The following PRELID2 variants were observed in gnomAD, a reference collection of about 807,000 sequenced individuals.
PRELID2 encodes PRELI domain containing 2.
Under a neutral mutation model 28.4 loss-of-function variants are expected in PRELID2, and 25 were observed. The observed-to-expected ratio is 0.88, with a 90% confidence interval of 0.64 to 1.23. The LOEUF is 1.23. Ranked by LOEUF, PRELID2 falls within the 50% of genes most tolerant of loss-of-function variation. The probability of loss-of-function intolerance (pLI) is 0.00; values close to 1 mark genes in which losing one functional copy is unlikely to be tolerated. For synonymous variants in PRELID2, 76 were observed against 71.6 expected (o/e 1.06, Z -0.31); for missense variants, 201 against 214.4 (o/e 0.94, Z 0.39).
chr5:145,728,375 T>A (rs1756237062), intron 1 of PRELID2: 2 of 412,970 alleles, frequency 4.8e-6, no homozygotes, highest in Non-Finnish European at 9.1e-6. Context: ...CCTGGAAACC[T>A]TTTTTATGGC....
chr5:145,652,252 G>C (rs1377870119), intron 1 of PRELID2, among the ~76,000 whole-genome samples: 3 of 152,218 alleles, frequency 2.0e-5, no homozygotes, highest in Admixed American at 2.0e-4. Flanking sequence ...ATGGGACTAT[G>C]TGAAAAGACC....
chr5:145,629,138 G>C (rs1753897909), intron 1 of PRELID2, among the ~76,000 whole-genome samples: 1 of 152,186 alleles, frequency 6.6e-6, no homozygotes, highest in East Asian at 1.9e-4. Flanking sequence ...TAGACAAGGG[G>C]AGCTTAGGAA....
the PRELID2 span, among the ~76,000 whole-genome samples, chr5:145,278,091 T>C: frequency 6.6e-6 from 1 of 152,156 alleles, no homozygotes; most frequent in South Asian, 2.1e-4. Context: ...TTGGGCATCG[T>C]TGGCAATCTG....
chr5:145,468,635 C>T (rs3096065), downstream of PRELID2, among the ~76,000 whole-genome samples: 97,946 of 151,996 alleles, frequency 0.64, 32,162 homozygotes, highest in Non-Finnish European at 0.69. Context: ...TGGCATCTCA[C>T]TGTGGTTTTG....
At chr5:145,520,549 T>C (rs573413296) in intron 1 of PRELID2, among the ~76,000 whole-genome samples, 1 of 152,198 alleles carries the variant, frequency 6.6e-6, no homozygotes, top group South Asian at 2.1e-4. Flanking sequence ...GCCCCCTCTC[T>C]CCAGGCAGCC....
At chr5:145,768,070 C>T (rs953169900) in intron 5 of PRELID2, among the ~76,000 whole-genome samples, 6 of 151,704 alleles carry the variant, frequency 4.0e-5, no homozygotes, top group Non-Finnish European at 5.9e-5. Flanking sequence ...ACTAAAAATA[C>T]AAAAGTTAGC....
rs577371208 is a variant in PRELID2 at position 145,650,527 on chromosome 5, T to TATAC, written n.70+114400_70+114403dup. On this transcript the variant is annotated intron_variant and non_coding_transcript_variant, in intron 1 of 2. Coordinates refer to the PRELID2 transcript ENST00000510259. ...TTTTGAGCATATCGAATCGCACATA[T>TATAC]ATACATATATATATATATATATATA... Among the ~76,000 whole-genome samples the TATAC allele has an allele frequency of 5.0e-5, 4 of 80,748 alleles. No individual in the cohort carries two copies. In the Admixed American group the frequency reaches 5.1e-4, roughly 10 times the overall value. The allele number at this position is 80,748 out of a possible 152,430, so 53.0% of individuals were successfully genotyped here. A position where few individuals can be genotyped will look rare whatever the true frequency, so the allele number is the denominator to read the frequency against.
chr5:145,698,618 G>T (rs1206506263), intron 1 of PRELID2, among the ~76,000 whole-genome samples: 1 of 152,148 alleles, frequency 6.6e-6, no homozygotes, highest in African/African-American at 2.4e-5. Flanking sequence ...GGTAGAAGGG[G>T]CAATGCAGCT....
chr5:145,611,065 A>C (rs1753606918), intron 1 of PRELID2, among the ~76,000 whole-genome samples: 1 of 151,212 alleles, frequency 6.6e-6, no homozygotes, highest in South Asian at 2.1e-4. Flanking sequence ...GTAAATGAAG[A>C]AGTAAAATCG....
intron 1 of PRELID2, among the ~76,000 whole-genome samples, chr5:145,629,840 C>T (rs776127961): frequency 1.3e-5 from 2 of 152,064 alleles, no homozygotes; most frequent in Non-Finnish European, 2.9e-5. Flanking sequence ...AATAAATATA[C>T]CCTTTGAAAT....
intron 1 of PRELID2, among the ~76,000 whole-genome samples, chr5:145,713,489 T>C (rs1357035231): frequency 1.4e-5 from 2 of 144,950 alleles, no homozygotes; most frequent in African/African-American, 2.5e-5. Context: ...TATATATATA[T>C]ACTATATATG....
rs149021404 is a variant in PRELID2, at chr5:145,554,432, C to A, written n.71-81117G>T. Among the ~76,000 whole-genome samples, 93 of 152,268 alleles carry A rather than the reference C, an allele frequency of 6.1e-4. 2 individuals are homozygous for A. The East Asian group carries it at 0.017, about 29-fold the overall frequency. ...GAAGGACACCACTGCTAACAGGAAT[C>A]ATTTTTAAACCCAGAGAGAAGTTTC... On this transcript the variant is annotated intron_variant and non_coding_transcript_variant, in intron 1 of 2. Coordinates refer to the PRELID2 transcript ENST00000510259.
chr5:145,300,098 A>G, the PRELID2 span, among the ~76,000 whole-genome samples: 1 of 152,122 alleles, frequency 6.6e-6, no homozygotes, highest in African/African-American at 2.4e-5. Context: ...CTGCCTGTGT[A>G]TATCACTAAC....
At chr5:145,340,471 G>A in the PRELID2 span, among the ~76,000 whole-genome samples, 1 of 152,098 alleles carries the variant, frequency 6.6e-6, no homozygotes, top group Admixed American at 6.5e-5. Context: ...TGAAGGCCTA[G>A]GAATCAGGCT....
intron 1 of PRELID2, among the ~76,000 whole-genome samples, chr5:145,550,237 T>C (rs1752822958): frequency 6.6e-6 from 1 of 152,200 alleles, no homozygotes; most frequent in Admixed American, 6.5e-5. Context: ...TATAAAACTC[T>C]GGGACAGGAA....
the PRELID2 span, among the ~76,000 whole-genome samples, chr5:145,461,886 G>A: frequency 2.0e-5 from 3 of 152,108 alleles, no homozygotes; most frequent in South Asian, 2.1e-4. Context: ...GATATATGAC[G>A]AGGTTCAACC....
chr5:145,476,154 A>C (rs1159586165), intron 1 of PRELID2, among the ~76,000 whole-genome samples: 1 of 152,212 alleles, frequency 6.6e-6, no homozygotes, highest in Non-Finnish European at 1.5e-5. Flanking sequence ...AGGAATTTTC[A>C]TTTCAAATAA....
At chr5:145,309,555 T>G in the PRELID2 span, among the ~76,000 whole-genome samples, 1 of 152,188 alleles carries the variant, frequency 6.6e-6, no homozygotes, top group Non-Finnish European at 1.5e-5. Context: ...GCTGAAAATA[T>G]TATAAGATGG....
At chr5:145,696,600 C>G (rs1755272173) in intron 1 of PRELID2, among the ~76,000 whole-genome samples, 1 of 151,874 alleles carries the variant, frequency 6.6e-6, no homozygotes, top group African/African-American at 2.4e-5. Flanking sequence ...TAGCTGGGAC[C>G]ACAGGTGCAT....
Sources: gnomAD v4.1 joint callset for allele counts (sites outside exome capture counted in the v4.1 genomes callset) on GRCh38, gnomAD v4.1.1 for gene constraint, MANE v1.5 for transcripts, NCBI Gene and HGNC (gene_info 2026-07-23, HGNC 2026-07-21) for gene names.